Variants in PTPRT observed in about 807,000 individuals in gnomAD.
PTPRT encodes protein tyrosine phosphatase receptor type T.
Under a neutral mutation model 176.8 loss-of-function variants are expected in PTPRT, and 56 were observed. The observed-to-expected ratio is 0.32, with a 90% CI of 0.26 to 0.40. PTPRT has a LOEUF of 0.40. Among genes scored for constraint, PTPRT ranks in the 10% least tolerant of loss-of-function variants. PTPRT has a pLI of 1.00. For missense variants in PTPRT, 1,540 were observed against 1,908.2 expected, an observed-to-expected ratio of 0.81 and a Z score of 3.60; for synonymous variants, 783 against 739.0, an observed-to-expected ratio of 1.06 and a Z score of -0.96.
chr20:43,084,880 T>C (rs1192059429), intron 1 of PTPRT, among the ~76,000 whole-genome samples: 2 of 152,234 alleles, frequency 1.3e-5, no homozygotes, highest in African/African-American at 4.8e-5. Context: ...TTTCTACCTT[T>C]CTGTATTTTT....
intron 13 of PTPRT, among the ~76,000 whole-genome samples, chr20:42,259,608 A>G (rs2056711737): frequency 6.6e-6 from 1 of 152,230 alleles, no homozygotes; most frequent in South Asian, 2.1e-4. Context: ...AGTCAGGTAT[A>G]AGGTTGTCTA....
At chr20:42,702,153 G>A (rs2075983022) in intron 6 of PTPRT, among the ~76,000 whole-genome samples, 1 of 152,078 alleles carries the variant, frequency 6.6e-6, no homozygotes, top group Non-Finnish European at 1.5e-5. Context: ...ACCCTCATGA[G>A]TATCCTCCCA....
intron 9 of PTPRT, 117 bp downstream of exon 9, chr20:42,448,103 G>C (rs2070764764): frequency 1.3e-6 from 1 of 796,776 alleles, no homozygotes; most frequent in Non-Finnish European, 2.1e-6. Flanking sequence ...GAAACCTTTT[G>C]GTATGTCTCA....
chr20:42,471,832 A>G (rs1338201644), intron 8 of PTPRT, among the ~76,000 whole-genome samples: 1 of 151,600 alleles, frequency 6.6e-6, no homozygotes, highest in Non-Finnish European at 1.5e-5. Context: ...TTTCTTTTGT[A>G]TTTTAGTAGA....
chr20:42,617,639 G>A (rs1347656202), intron 7 of PTPRT, among the ~76,000 whole-genome samples: 2 of 138,374 alleles, frequency 1.4e-5, no homozygotes, highest in Non-Finnish European at 3.0e-5. Context: ...TCTATTCAGA[G>A]ATTCAACTTC....
intron 2 of PTPRT, among the ~76,000 whole-genome samples, chr20:42,848,667 G>A (rs1012483148): frequency 8.6e-5 from 13 of 151,684 alleles, no homozygotes; most frequent in African/African-American, 2.9e-4. Context: ...CTTTTTGTTG[G>A]GATTTTTTTT....
intron 15 of PTPRT, among the ~76,000 whole-genome samples, chr20:42,220,147 C>CA (rs1172387895): frequency 1.3e-5 from 2 of 151,606 alleles, no homozygotes; most frequent in Non-Finnish European, 2.9e-5. Flanking sequence ...CAGTAGCACC[C>CA]AAAAAAGAAA....
intron 2 of PTPRT, among the ~76,000 whole-genome samples, chr20:42,873,316 T>C (rs1342404896): frequency 6.6e-6 from 1 of 152,198 alleles, no homozygotes; most frequent in Non-Finnish European, 1.5e-5. Flanking sequence ...ATCTATAAAG[T>C]GGGAACACAT....
chr20:42,464,689 G>A (rs907222744), intron 8 of PTPRT, among the ~76,000 whole-genome samples: 3 of 152,136 alleles, frequency 2.0e-5, no homozygotes, highest in Non-Finnish European at 4.4e-5. Flanking sequence ...ATGCCTTCAG[G>A]ACTCACTAAG....
intron 12 of PTPRT, among the ~76,000 whole-genome samples, chr20:42,296,243 C>T (rs753012372): frequency 1.9e-4 from 29 of 152,066 alleles, no homozygotes; most frequent in Non-Finnish European, 3.5e-4. Flanking sequence ...GTCAGGAGTT[C>T]GAGACCAGCC....
rs540937838 is a variant in PTPRT, at chr20:42,972,182, G to C, written c.89-86250C>G. Among the ~76,000 whole-genome samples, 9 of 144,392 alleles carry C rather than the reference G, an allele frequency of 6.2e-5. No individual in the cohort carries two copies. The South Asian group carries it at 1.8e-3, about 29-fold the overall frequency. The allele number at this position is 144,392 out of a possible 152,430, so 94.7% of individuals were successfully genotyped here. A position where few individuals can be genotyped will look rare whatever the true frequency, so the allele number is the denominator to read the frequency against. ...CCAACCCCATTTGTTTGTTTGGGGA[G>C]GGGAGGCACGGCATTCCATGCAGAG... On this transcript the variant is annotated intron_variant, in intron 1 of 30. Coordinates refer to ENST00000373187, the MANE Select transcript of PTPRT (RefSeq NM_007050.6).
intron 11 of PTPRT, among the ~76,000 whole-genome samples, chr20:42,340,928 G>C (rs2058102258): frequency 6.6e-6 from 1 of 152,062 alleles, no homozygotes; most frequent in African/African-American, 2.4e-5. Context: ...CAGTTCCCCA[G>C]GGTTGGAGGG....
intron 16 of PTPRT, among the ~76,000 whole-genome samples, chr20:42,194,509 AT>A (rs1360197186): frequency 2.6e-5 from 4 of 152,228 alleles, no homozygotes; most frequent in Non-Finnish European, 4.4e-5. Flanking sequence ...TTCAAAAGGA[AT>A]TTATTTTGAA....
chr20:42,435,476 T>C (rs1390624929), intron 9 of PTPRT, among the ~76,000 whole-genome samples: 1 of 152,044 alleles, frequency 6.6e-6, no homozygotes, highest in Non-Finnish European at 1.5e-5. Context: ...GAACTCTGCG[T>C]GCAATAAGCC....
At chr20:43,046,334 G>A (rs1986837156) in intron 1 of PTPRT, among the ~76,000 whole-genome samples, 1 of 152,062 alleles carries the variant, frequency 6.6e-6, no homozygotes, top group Non-Finnish European at 1.5e-5. Flanking sequence ...CACTTTGGGA[G>A]GCTGAGGCAG....
chr20:42,929,334 A>T (rs1199647033), intron 1 of PTPRT, among the ~76,000 whole-genome samples: 2 of 152,256 alleles, frequency 1.3e-5, no homozygotes, highest in Non-Finnish European at 2.9e-5. Flanking sequence ...AAGTGTGGAG[A>T]CATGTTTACA....
chr20:42,866,673 C>T (rs1308870481), intron 2 of PTPRT, among the ~76,000 whole-genome samples: 1 of 152,152 alleles, frequency 6.6e-6, no homozygotes, highest in Non-Finnish European at 1.5e-5. Flanking sequence ...GTTGTGGCCC[C>T]AACCTCCCTT....
intron 1 of PTPRT, among the ~76,000 whole-genome samples, chr20:43,000,061 A>AGGAGGGAGGGAGGGAGGGAGGGAG (rs3030231): frequency 3.7e-5 from 3 of 81,934 alleles, no homozygotes; most frequent in African/African-American, 1.6e-4. Context: ...GAAGAAGGGA[A>AGGAGGGAGGGAGGGAGGGAGGGAG]GGAGGGAGGG....
chr20:42,580,761 T>C (rs1451889799), intron 7 of PTPRT, among the ~76,000 whole-genome samples: 4 of 152,344 alleles, frequency 2.6e-5, no homozygotes, highest in African/African-American at 9.6e-5. Flanking sequence ...TTTTGTATCC[T>C]GAGACTTTGC....
Sources: allele counts gnomAD v4.1 joint callset (sites outside exome capture counted in the v4.1 genomes callset), GRCh38; gene constraint gnomAD v4.1.1; transcripts MANE v1.5; gene names NCBI Gene and HGNC (gene_info 2026-07-23, HGNC 2026-07-21).